The following CAMTA1 variants were observed in gnomAD, a reference collection of about 807,000 sequenced individuals.
CAMTA1 encodes the protein calmodulin binding transcription activator 1.
A neutral mutation model predicts 170.9 loss-of-function variants in CAMTA1; 27 were observed. The observed-to-expected ratio is 0.16, with a 90% confidence interval of 0.12 to 0.22. CAMTA1 has a LOEUF of 0.22. Among genes scored for constraint, CAMTA1 ranks in the 10% least tolerant of loss-of-function variants. CAMTA1 has a pLI of 1.00. For missense variants in CAMTA1, 1,619 were observed against 2,217.2 expected (o/e 0.73, Z 5.42); for synonymous variants, 833 against 891.5 (o/e 0.93, Z 1.17).
At chr1:6,819,299 ATTTTCT>A (rs1308593289) in intron 1 of CAMTA1, among the ~76,000 whole-genome samples, 3 of 134,810 alleles carry the variant, frequency 2.2e-5, no homozygotes, top group African/African-American at 8.3e-5. Flanking sequence ...TATTCAAAAA[ATTTTCT>A]TTTTTTTTAA....
rs550211391 is a variant in CAMTA1, at chr1:7,513,545, C to T, written c.510+45644C>T. Among the ~76,000 whole-genome samples, 48 of 152,254 alleles carry T rather than the reference C, an allele frequency of 3.2e-4. No homozygotes were observed. In the South Asian group the frequency reaches 3.3e-3, roughly 11 times the overall value. On this transcript the variant is annotated intron_variant, in intron 6 of 22. Coordinates refer to ENST00000303635, the MANE Select transcript of CAMTA1 (RefSeq NM_015215.4). ...CTGGCTTCCAGTGTTTGCTGCAATT[C>T]CTTGGCTGTAGAAAGATCACTCTGA...
chr1:6,888,667 G>A (rs764708842), intron 3 of CAMTA1, among the ~76,000 whole-genome samples: 9 of 152,196 alleles, frequency 5.9e-5, no homozygotes, highest in African/African-American at 1.2e-4. Flanking sequence ...GAGGAAACTT[G>A]GAGGCGATTA....
Position 7,234,245 on chromosome 1 carries a change from GCT to G in CAMTA1, c.303-15241_303-15240del, listed in dbSNP as rs1414571953. Among the ~76,000 whole-genome samples, 1 of 152,100 alleles carries G rather than the reference GCT, an allele frequency of 6.6e-6. No individual in the cohort carries two copies. The highest frequency in any genetic ancestry group is 2.4e-5 in the African/African-American group (1 of 41,406). The stretch of plus-strand genomic sequence containing the variant: ...CCTCTCCAAACCTGGGCCTCGCCAC[GCT>G]CTCTACCGAAAGCCCTTCCAGGGAG... On this transcript the variant is annotated intron_variant, in intron 4 of 22. Coordinates refer to ENST00000303635, the MANE Select transcript of CAMTA1 (RefSeq NM_015215.4). This position sits in a 1 kb window ranked among gnomAD's most constrained non-coding sequence, Gnocchi z 5.0.
In CAMTA1 at chr1:7,104,830, C is replaced by T. The variant is rs1032894172; in HGVS notation, c.302+13459C>T. Among the ~76,000 whole-genome samples the T allele has an allele frequency of 1.3e-5, 2 of 152,064 alleles. 1 individual carries two copies. The highest frequency in any genetic ancestry group is 1.3e-4 in the Admixed American group (2 of 15,270). On this transcript the variant is annotated intron_variant, in intron 4 of 22. Transcript: ENST00000303635. The stretch of plus-strand genomic sequence containing the variant: ...CTGTTATTGATGATGATGATGGTGA[C>T]GGATAATGGAGAGACTGCATGGGGG...
intron 3 of CAMTA1, among the ~76,000 whole-genome samples, chr1:6,989,187 C>G (rs1695902581): frequency 6.6e-6 from 1 of 152,178 alleles, no homozygotes. Flanking sequence ...CTGCCTCTTC[C>G]AAGGAGACAG....
chr1:7,608,163 C>T (rs72867144), intron 6 of CAMTA1, among the ~76,000 whole-genome samples: 2,567 of 152,324 alleles, frequency 0.017, 78 homozygotes, highest in African/African-American at 0.058. Flanking sequence ...CAGACCTTGG[C>T]TCTCCTGCCC....
At chr1:7,555,422 C>T (rs900279115) in intron 6 of CAMTA1, among the ~76,000 whole-genome samples, 2 of 152,116 alleles carry the variant, frequency 1.3e-5, no homozygotes, top group African/African-American at 4.8e-5. Context: ...TGCTGCCCTC[C>T]ACCCACCTGT....
rs2095760369 is a variant in CAMTA1, at chr1:7,641,474, T to C, written c.664+921T>C. ...ATACAGCGGGGGGACTGAAATATTC[T>C]TTCTGCGGCTGGGAGGAAAGGTGAA... On this transcript the variant is annotated intron_variant, in intron 7 of 22. Transcript: ENST00000303635. The surrounding 1 kb of genome is among the most constrained non-coding windows in gnomAD (Gnocchi z 4.5). Among the ~76,000 whole-genome samples the C allele has an allele frequency of 6.6e-6, 1 of 152,096 alleles. No homozygotes were observed. The highest frequency in any genetic ancestry group is 2.4e-5 in the African/African-American group (1 of 41,406).
At chr1:7,430,658 G>C (rs2092115367) in intron 5 of CAMTA1, among the ~76,000 whole-genome samples, 1 of 152,188 alleles carries the variant, frequency 6.6e-6, no homozygotes. Context: ...GTCTTGGCAA[G>C]CCTCTCTGTT....
intron 4 of CAMTA1, among the ~76,000 whole-genome samples, chr1:7,230,161 C>T (rs896512292): frequency 2.0e-5 from 3 of 152,128 alleles, no homozygotes; most frequent in Admixed American, 6.5e-5. Flanking sequence ...GCTCCTGGCC[C>T]GGCCCTGAAG....
At chr1:7,755,617 G>T (rs2096926474) in intron 21 of CAMTA1, 21 bp from the exon 22 acceptor site, 1 of 1,606,512 alleles carries the variant, frequency 6.2e-7, no homozygotes, top group Non-Finnish European at 8.5e-7. Context: ...TAGCTCTCTG[G>T]TGTTGTTTTA....
chr1:7,478,286 G>C (rs56078703), intron 6 of CAMTA1, among the ~76,000 whole-genome samples: 2,496 of 152,186 alleles, frequency 0.016, 73 homozygotes, highest in African/African-American at 0.057. Context: ...CTGTGATTAG[G>C]AACAAAACTC....
At chr1:7,034,271 C>T (rs543633849) in intron 3 of CAMTA1, among the ~76,000 whole-genome samples, 1 of 152,294 alleles carries the variant, frequency 6.6e-6, no homozygotes, top group East Asian at 1.9e-4. Flanking sequence ...AATTCTCTGC[C>T]TCAGCCTCCC....
At chr1:7,653,876 G>A (rs1008751015) in intron 7 of CAMTA1, among the ~76,000 whole-genome samples, 1 of 152,160 alleles carries the variant, frequency 6.6e-6, no homozygotes, top group African/African-American at 2.4e-5. Flanking sequence ...AGCTCCTAGG[G>A]ACAGGCATGA....
Position 7,063,684 on chromosome 1 carries a change from T to C in CAMTA1, c.235-27620T>C, listed in dbSNP as rs1349827956. On this transcript the variant is annotated intron_variant, in intron 3 of 22. Coordinates refer to ENST00000303635, the MANE Select transcript of CAMTA1 (RefSeq NM_015215.4). The surrounding 1 kb of genome is among the most constrained non-coding windows in gnomAD (Gnocchi z 4.3). Reference sequence around the variant, plus strand: ...TTTGGACTTAGATTATTAGACATTTTCTTCTTATAAAAATCAGCAAGTTGT... The same window carrying C: ...TTTGGACTTAGATTATTAGACATTTCCTTCTTATAAAAATCAGCAAGTTGT... Among the ~76,000 whole-genome samples, 1 of 152,216 alleles carries C rather than the reference T, an allele frequency of 6.6e-6. No individual in the cohort carries two copies. Among genetic ancestry groups the C allele is most frequent in the Non-Finnish European group, 1.5e-5 (1 of 68,028 alleles).
intron 6 of CAMTA1, among the ~76,000 whole-genome samples, chr1:7,628,293 G>A (rs2095646759): frequency 1.3e-5 from 2 of 152,256 alleles, no homozygotes; most frequent in Non-Finnish European, 2.9e-5. Context: ...AAAGCCTAGT[G>A]ATTAGCACTG....
At chr1:7,366,290 C>T (rs985073527) in intron 5 of CAMTA1, among the ~76,000 whole-genome samples, 3 of 152,214 alleles carry the variant, frequency 2.0e-5, no homozygotes, top group African/African-American at 7.2e-5. Flanking sequence ...CTTGCCTGTC[C>T]TCCTCATTGC....
intron 4 of CAMTA1, among the ~76,000 whole-genome samples, chr1:7,176,001 C>G (rs961194196): frequency 6.6e-6 from 1 of 152,202 alleles, no homozygotes; most frequent in Non-Finnish European, 1.5e-5. Flanking sequence ...GCAGCTCCCC[C>G]CAGGGAGGGC....
intron 3 of CAMTA1, among the ~76,000 whole-genome samples, chr1:6,865,362 G>A (rs1666231437): frequency 6.6e-6 from 1 of 152,144 alleles, no homozygotes; most frequent in Non-Finnish European, 1.5e-5. Context: ...GGTCTGCCAG[G>A]CCTAGTGCAG....
Sources: gnomAD v4.1 joint callset for allele counts (sites outside exome capture counted in the v4.1 genomes callset) on GRCh38, gnomAD v4.1.1 for gene constraint, Gnocchi (gnomAD v3.1) non-coding constraint, MANE v1.5 for transcripts, NCBI Gene and HGNC (gene_info 2026-07-23, HGNC 2026-07-21) for gene names.